The following TGIF1 variants were observed in gnomAD, a reference collection of about 807,000 sequenced individuals.
TGIF1 encodes the protein homeobox protein TGIF1.
Under a neutral mutation model 19.3 loss-of-function variants are expected in TGIF1, and 4 were observed. The observed-to-expected ratio is 0.21, with a 90% CI of 0.10 to 0.47. TGIF1 has a LOEUF of 0.47. Ranked by LOEUF, TGIF1 falls within the 20% of genes least tolerant of loss-of-function variation. The pLI is 0.98. For missense variants in TGIF1, 275 were observed against 341.4 expected (o/e 0.81, Z 1.53); for synonymous variants, 122 against 129.3 (o/e 0.94, Z 0.38).
At chr18:3,450,574 C>G (rs2082877382) in intron 1 of TGIF1, 69 bp downstream of exon 1, 4 of 1,549,026 alleles carry the variant, frequency 2.6e-6, no homozygotes, top group East Asian at 4.9e-5. Context: ...CGGGCCGCGC[C>G]GCGCGGAGTC....
rs2082918556 is a variant in TGIF1, at chr18:3,451,337, TA to T, written c.16+833del. The T allele has an allele frequency of 1.0e-6, 1 of 984,848 alleles. No homozygotes were observed. Among genetic ancestry groups the T allele is most frequent in the Admixed American group, 6.2e-5 (1 of 16,260 alleles). The allele number at this position is 984,848 out of a possible 1,614,324, so 61.0% of individuals were successfully genotyped here. On this transcript the variant is annotated intron_variant, in intron 1 of 2. Transcript: ENST00000343820. This position sits in a 1 kb window ranked among gnomAD's most constrained non-coding sequence, Gnocchi z 5.4. ...CCGTCAGTTTGGTTTAAAAACAAAA[TA>T]CACCGGAGGGGGACGGGGGGTGGAG...
At chr18:3,429,471 T>A (rs1257939903) in intron 2 of TGIF1, among the ~76,000 whole-genome samples, 5 of 151,556 alleles carry the variant, frequency 3.3e-5, no homozygotes, top group Admixed American at 3.3e-4. Flanking sequence ...AAAAAAAAAA[T>A]GGATAGTAAA....
chr18:3,437,999 G>T (rs576313415), intron 2 of TGIF1, among the ~76,000 whole-genome samples: 1 of 151,944 alleles, frequency 6.6e-6, no homozygotes, highest in Non-Finnish European at 1.5e-5. Context: ...CAGGAGAATC[G>T]CTTGAACCCG....
intron 2 of TGIF1, among the ~76,000 whole-genome samples, chr18:3,420,608 A>G (rs921850762): frequency 1.3e-5 from 2 of 152,202 alleles, no homozygotes; most frequent in African/African-American, 2.4e-5. Flanking sequence ...CGTTGTTTAC[A>G]AGAAACTCAC....
intron 2 of TGIF1, among the ~76,000 whole-genome samples, chr18:3,429,730 G>T (rs1171397103): frequency 6.6e-6 from 1 of 152,170 alleles, no homozygotes. Context: ...ACAAGATAGG[G>T]CAATGCATTT....
At position 3,450,446 on chromosome 18, in the gene TGIF1, C is replaced by T. The variant is rs200621693; in HGVS notation, c.-44C>T. On this transcript the variant is annotated 5_prime_UTR_variant, in exon 1 of 3. Transcript: ENST00000343820. ...TCCCCTGTGTCCCCGCTCCTGGCCC[C>T]TCCAGACCCCCGCCTTGCCTCGCGC... The T allele has an allele frequency of 6.6e-5, 102 of 1,553,352 alleles. 1 individual carries two copies. The Admixed American group carries it at 1.9e-3, about 29-fold the overall frequency.
exon 1 of TGIF1, chr18:3,412,113 G>C (rs544569994): frequency 1.3e-5 from 2 of 153,858 alleles, no homozygotes; most frequent in Admixed American, 6.5e-5. Context: ...CCTTCGCCGA[G>C]GGCCGCAGGG....
chr18:3,452,388 G>A, intron 1 of TGIF1: 3 of 1,613,188 alleles, frequency 1.9e-6, no homozygotes, highest in Non-Finnish European at 2.5e-6. Flanking sequence ...GAAAGGTGAC[G>A]GGCTGAAGGG....
chr18:3,437,260 C>T (rs578065409), intron 2 of TGIF1, among the ~76,000 whole-genome samples: 4 of 152,092 alleles, frequency 2.6e-5, no homozygotes, highest in East Asian at 3.9e-4. Context: ...TGGAGGTGTG[C>T]GAGCATGGGG....
chr18:3,448,310 C>G, upstream of TGIF1: 2 of 985,446 alleles, frequency 2.0e-6, no homozygotes, highest in Non-Finnish European at 2.4e-6. Flanking sequence ...CGGATAGGAG[C>G]CACCAATCCC....
intron 2 of TGIF1, among the ~76,000 whole-genome samples, chr18:3,421,053 G>C (rs867741013): frequency 1.3e-5 from 2 of 152,126 alleles, no homozygotes; most frequent in African/African-American, 4.8e-5. Context: ...AAGATTATAA[G>C]GGAGCTGAAA....
chr18:3,454,149 T>C (rs1353125919), intron 1 of TGIF1, among the ~76,000 whole-genome samples: 1 of 152,230 alleles, frequency 6.6e-6, no homozygotes, highest in Non-Finnish European at 1.5e-5. Context: ...CATTCATTTA[T>C]TTAAATGAAC....
intron 2 of TGIF1, among the ~76,000 whole-genome samples, chr18:3,434,853 TTTGCAAGTTCTTCCC>T (rs1255237422): frequency 1.3e-5 from 2 of 152,156 alleles, no homozygotes; most frequent in Non-Finnish European, 2.9e-5. Flanking sequence ...AACCAAGCAT[TTTGCAAGTTCTTCCC>T]TTTCACACCC....
In TGIF1 at chr18:3,456,119, C is replaced by T. The variant is rs1299451095; in HGVS notation, c.17-235C>T. On this transcript the variant is annotated intron_variant, in intron 1 of 2. Coordinates refer to ENST00000343820, the MANE Select transcript of TGIF1 (RefSeq NM_003244.4). This position sits in a 1 kb window ranked among gnomAD's most constrained non-coding sequence, Gnocchi z 4.2. ...AAAGGAATGTGAGAAGTTAATGAAT[C>T]CTAGAGGAAAGCGGCTGAGAAAAGG... 6 of 589,826 alleles carry T rather than the reference C, an allele frequency of 1.0e-5. No individual in the cohort carries two copies. The highest frequency in any genetic ancestry group is 1.2e-5 in the Non-Finnish European group (4 of 328,798). The allele number at this position is 589,826 out of a possible 1,614,324, so 36.5% of individuals were successfully genotyped here.
At chr18:3,431,176 G>A (rs1346073371) in intron 2 of TGIF1, among the ~76,000 whole-genome samples, 1 of 152,258 alleles carries the variant, frequency 6.6e-6, no homozygotes, top group Admixed American at 6.5e-5. Flanking sequence ...GTCTGGCGTG[G>A]TGGCTCGCAC....
At chr18:3,452,362 G>A in intron 1 of TGIF1, 2 of 1,613,290 alleles carry the variant, frequency 1.2e-6, no homozygotes, top group Non-Finnish European at 1.7e-6. Context: ...CCTCGGCGCC[G>A]ACTCCTGGAA....
chr18:3,423,127 C>A (rs2082427389), intron 2 of TGIF1, among the ~76,000 whole-genome samples: 1 of 152,152 alleles, frequency 6.6e-6, no homozygotes, highest in Admixed American at 6.5e-5. Flanking sequence ...TAGGCCATAC[C>A]ATAAGCCTAA....
intron 1 of TGIF1, among the ~76,000 whole-genome samples, chr18:3,416,549 G>A (rs183776007): frequency 2.6e-5 from 4 of 152,068 alleles, no homozygotes; most frequent in Admixed American, 1.3e-4. Context: ...CAGGCTCTCT[G>A]TCTAGGGCCT....
intron 2 of TGIF1, among the ~76,000 whole-genome samples, chr18:3,429,343 T>A (rs986477697): frequency 2.0e-5 from 3 of 152,086 alleles, no homozygotes; most frequent in African/African-American, 7.2e-5. Flanking sequence ...GCCACCATGC[T>A]CAGCCTGTGG....
Sources: gnomAD v4.1 joint callset for allele counts (sites outside exome capture counted in the v4.1 genomes callset) on GRCh38, gnomAD v4.1.1 for gene constraint, Gnocchi (gnomAD v3.1) non-coding constraint, MANE v1.5 for transcripts, NCBI Gene and HGNC (gene_info 2026-07-23, HGNC 2026-07-21) for gene names.